Variants in CSF2RA observed in about 807,000 individuals in gnomAD.
CSF2RA encodes the protein colony stimulating factor 2 receptor subunit alpha.
In CSF2RA, 42 loss-of-function variants were observed where a neutral mutation model predicts 51.6. The ratio of observed to expected loss-of-function variants is 0.81; its 90% CI spans 0.64 to 1.05. The LOEUF (loss-of-function observed/expected upper bound fraction) is 1.05, where lower values mean the gene tolerates loss of function less well. Among genes scored for constraint, CSF2RA ranks in the 50% least tolerant of loss-of-function variants. CSF2RA has a pLI of 0.00. For synonymous variants in CSF2RA, 222 were observed against 193.0 expected, an observed-to-expected ratio of 1.15 and a Z score of -1.24; for missense variants, 530 against 501.1, an observed-to-expected ratio of 1.06 and a Z score of -0.55.
At chrX:1,318,449 C>G in the CSF2RA span, among the ~76,000 whole-genome samples, 4 of 151,256 alleles carry the variant, frequency 2.6e-5, no homozygotes, top group African/African-American at 9.7e-5. Context: ...AGGCGTGAGC[C>G]ACTGCGCCAG....
the CSF2RA span, among the ~76,000 whole-genome samples, chrX:1,324,707 C>T: frequency 2.0e-5 from 3 of 152,124 alleles, no homozygotes; most frequent in Admixed American, 2.0e-4. Context: ...TTGGGCATGA[C>T]CAAGAAGCAC....
chrX:1,295,460 A>C lies in CSF2RA; in HGVS notation c.810+4A>C. The C allele has an allele frequency of 2.5e-6, 4 of 1,613,426 alleles. No homozygotes were observed. Among genetic ancestry groups the C allele is most frequent in the Non-Finnish European group, 3.4e-6 (4 of 1,179,538 alleles). ...GCCTGGCACGGAAAACCTACTGGTAAGTGAAACCACAGACCCTACTGACAA... is the reference window on the plus strand; with the variant it reads ...GCCTGGCACGGAAAACCTACTGGTACGTGAAACCACAGACCCTACTGACAA... On this transcript the variant is annotated splice_donor_region_variant and intron_variant, in intron 9 of 12. Transcript: ENST00000381529.
chrX:1,299,200 T>C (rs1200785746), intron 9 of CSF2RA, among the ~76,000 whole-genome samples: 3 of 152,166 alleles, frequency 2.0e-5, no homozygotes, highest in Non-Finnish European at 4.4e-5. Flanking sequence ...TCTACGTGGG[T>C]TAAGAATATA....
chrX:1,269,325 C>G lies in CSF2RA; in HGVS notation c.-91+446C>G, dbSNP rs184635691. ...TATCTGTGGCATCCGGAAGCCGTTTCGAGAGATGAACGCGGCCGGGCGTGG... is the reference window on the plus strand; with the variant it reads ...TATCTGTGGCATCCGGAAGCCGTTTGGAGAGATGAACGCGGCCGGGCGTGG... On this transcript the variant is annotated intron_variant, in intron 1 of 12. Transcript: ENST00000381529. 3.8e-3 allele frequency among the ~76,000 whole-genome samples: 582 copies of G among 152,108 alleles called. 3 individuals are homozygous for G. Among genetic ancestry groups the G allele is most frequent in the African/African-American group, 0.013 (551 of 41,510 alleles).
chrX:1,306,324 A>C (rs1347375302), intron 12 of CSF2RA, among the ~76,000 whole-genome samples: 1 of 151,830 alleles, frequency 6.6e-6, no homozygotes, highest in Non-Finnish European at 1.5e-5. Context: ...CAGATGGAGA[A>C]ACAGAGACAG....
intron 10 of CSF2RA, 118 bp from the exon 11 acceptor site, chrX:1,303,805 A>G (rs1213549136): frequency 2.2e-6 from 2 of 924,614 alleles, no homozygotes; most frequent in African/African-American, 3.2e-5. Context: ...TGCTGGGCCC[A>G]GTTCTCAGCT....
chrX:1,323,874 C>T, the CSF2RA span, among the ~76,000 whole-genome samples: 36 of 151,838 alleles, frequency 2.4e-4, no homozygotes, highest in Non-Finnish European at 3.4e-4. Flanking sequence ...ATTAGCCGGG[C>T]GTGGTGGTGG....
At chrX:1,277,120 C>T (rs1319237576) in intron 2 of CSF2RA, among the ~76,000 whole-genome samples, 6 of 148,032 alleles carry the variant, frequency 4.1e-5, no homozygotes, top group African/African-American at 1.2e-4. Flanking sequence ...ATAAAGCTTA[C>T]GCAGTAGCTG....
At chrX:1,308,970 G>C (rs2083951505) in intron 12 of CSF2RA, among the ~76,000 whole-genome samples, 1 of 152,158 alleles carries the variant, frequency 6.6e-6, no homozygotes, top group Admixed American at 6.6e-5. Flanking sequence ...GCTCATGCCT[G>C]TCATCCCAGC....
intron 6 of CSF2RA, among the ~76,000 whole-genome samples, chrX:1,289,688 T>G (rs866771817): frequency 6.6e-6 from 1 of 150,916 alleles, no homozygotes; most frequent in Admixed American, 6.6e-5. Context: ...GTTGTGTTTG[T>G]TTTTGTTTTG....
At chrX:1,280,886 TCTCCTC>T (rs1228252614) in intron 2 of CSF2RA, among the ~76,000 whole-genome samples, 101 of 65,190 alleles carry the variant, frequency 1.5e-3, no homozygotes, top group African/African-American at 5.8e-3. Context: ...TCCTGCTCCT[TCTCCTC>T]CTCCTCCTCC....
intron 10 of CSF2RA, among the ~76,000 whole-genome samples, chrX:1,303,599 C>T (rs1181741277): frequency 6.6e-6 from 1 of 152,120 alleles, no homozygotes; most frequent in East Asian, 1.9e-4. Flanking sequence ...TGGTCTCGAA[C>T]TCCCAACCTC....
intron 9 of CSF2RA, among the ~76,000 whole-genome samples, chrX:1,296,576 G>A (rs1337548507): frequency 9.8e-5 from 2 of 20,420 alleles, no homozygotes; most frequent in Admixed American, 4.5e-4. Flanking sequence ...GACCCCTGGC[G>A]GAACTGTACA....
In CSF2RA at chrX:1,309,617, T is replaced by C; in HGVS notation, c.*138T>C. On this transcript the variant is annotated 3_prime_UTR_variant, in exon 13 of 13. Coordinates refer to ENST00000381529, the MANE Select transcript of CSF2RA (RefSeq NM_172245.4). The stretch of plus-strand genomic sequence containing the variant: ...ACATGACATTTGGGGCCAGGCGCGG[T>C]GGCTCACGCCTGTAATCCCAGCACT... 2 of 1,606,174 alleles carry C rather than the reference T, an allele frequency of 1.2e-6. No homozygotes were observed. The highest frequency in any genetic ancestry group is 1.7e-6 in the Non-Finnish European group (2 of 1,173,024).
chrX:1,314,379 CTG>C (rs1431713802), downstream of CSF2RA, among the ~76,000 whole-genome samples: 7 of 148,722 alleles, frequency 4.7e-5, no homozygotes, highest in African/African-American at 1.8e-4. Context: ...CCCAACCACT[CTG>C]TGCCTGCCCA....
At chrX:1,286,438 AGG>A (rs2090668398) in intron 4 of CSF2RA, among the ~76,000 whole-genome samples, 1 of 150,906 alleles carries the variant, frequency 6.6e-6, no homozygotes, top group Non-Finnish European at 1.5e-5. Flanking sequence ...GCATGGTGGC[AGG>A]CATCTGTAAT....
chrX:1,317,246 C>CCTTT, the CSF2RA span, among the ~76,000 whole-genome samples: 76 of 57,838 alleles, frequency 1.3e-3, no homozygotes, highest in African/African-American at 5.3e-3. Flanking sequence ...CCACGCTCAG[C>CCTTT]TTTTTTTTTT....
chrX:1,271,568 G>C (rs1375602839), intron 1 of CSF2RA, among the ~76,000 whole-genome samples: 1 of 151,990 alleles, frequency 6.6e-6, no homozygotes, highest in Non-Finnish European at 1.5e-5. Flanking sequence ...CCAGGCTGGA[G>C]TGCAGTGGTG....
downstream of CSF2RA, chrX:1,310,430 A>T (rs2084115414): frequency 6.6e-6 from 1 of 151,660 alleles, no homozygotes. Context: ...GCAGTTTGGG[A>T]GGCCGAGGCG....
Sources: gnomAD v4.1 joint callset for allele counts (sites outside exome capture counted in the v4.1 genomes callset) on GRCh38, gnomAD v4.1.1 for gene constraint, MANE v1.5 for transcripts, NCBI Gene and HGNC (gene_info 2026-07-23, HGNC 2026-07-21) for gene names.